The following FBXO39 variants were observed in gnomAD, a reference collection of about 807,000 sequenced individuals.
FBXO39 encodes the protein F-box protein 39.
A neutral mutation model predicts 36.6 loss-of-function variants in FBXO39; 22 were observed. The observed-to-expected ratio is 0.60, with a 90% confidence interval of 0.43 to 0.86. The LOEUF is 0.86. Ranked by LOEUF, FBXO39 falls within the 40% of genes least tolerant of loss-of-function variation. The pLI is 0.00. For missense variants in FBXO39, 536 were observed against 543.9 expected (o/e 0.99, Z 0.14); for synonymous variants, 206 against 205.8 (o/e 1.00, Z -0.01).
chr17:6,779,538 C>A (rs904626860), intron 1 of FBXO39, among the ~76,000 whole-genome samples: 1 of 152,206 alleles, frequency 6.6e-6, no homozygotes, highest in Non-Finnish European at 1.5e-5. Flanking sequence ...AGTCACCCTG[C>A]ATGTGTGCTA....
intron 2 of FBXO39, among the ~76,000 whole-genome samples, chr17:6,781,450 C>CA (rs1429447374): frequency 7.2e-5 from 11 of 152,280 alleles, no homozygotes; most frequent in Admixed American, 2.6e-4. Context: ...AGATCAGGAT[C>CA]ATTTTGTCTT....
At position 6,779,850 on chromosome 17, in the gene FBXO39, T is replaced by C. The variant is rs1213392778; in HGVS notation, c.-19T>C. 8 of 1,611,650 alleles carry C rather than the reference T, an allele frequency of 5.0e-6. No homozygotes were observed. The highest frequency in any genetic ancestry group is 2.2e-5 in the East Asian group (1 of 44,870). On this transcript the variant is annotated 5_prime_UTR_variant, in exon 2 of 4. Coordinates refer to ENST00000321535, the MANE Select transcript of FBXO39 (RefSeq NM_153230.3). ...AGCCCTGCCTAACACACAGCTGCACTGTACATCCCAGTTCCTGGATGGACG... is the reference window on the plus strand; with the variant it reads ...AGCCCTGCCTAACACACAGCTGCACCGTACATCCCAGTTCCTGGATGGACG...
chr17:6,787,549 T>C lies in FBXO39; in HGVS notation c.*121T>C. 1 of 1,178,456 alleles carries C rather than the reference T, an allele frequency of 8.5e-7. No individual in the cohort carries two copies. The highest frequency in any genetic ancestry group is 1.2e-6 in the Non-Finnish European group (1 of 839,966). 73.0% of individuals were successfully genotyped at this position (1,178,456 alleles called of 1,614,324 possible). ...TCTCTCTCCCCTCCACTTTTTTTTT[T>C]TGTCAGCTCCATGACAACATGACCA... On this transcript the variant is annotated 3_prime_UTR_variant, in exon 4 of 4. Transcript: ENST00000321535.
rs762307915 is a variant in FBXO39, at chr17:6,787,003, A to C, written c.1200+47A>C. On this transcript the variant is annotated intron_variant, in intron 3 of 3. Transcript: ENST00000321535. Reference sequence around the variant, plus strand: ...TCCACGGCGTAGAGTGGGGGCATCCAGGAATGGTGCTTCTGCTCTGGAACG... The same window carrying C: ...TCCACGGCGTAGAGTGGGGGCATCCCGGAATGGTGCTTCTGCTCTGGAACG... 5.1e-6 allele frequency: 8 copies of C among 1,564,838 alleles called. No individual in the cohort carries two copies. The South Asian group carries it at 8.4e-5, about 16-fold the overall frequency.
rs780924976 is a variant in FBXO39, at chr17:6,779,992, G to C, written c.124G>C (p.Val42Leu). The C allele has an allele frequency of 6.2e-6, 10 of 1,614,202 alleles. No individual in the cohort carries two copies. The highest frequency in any genetic ancestry group is 8.5e-6 in the Non-Finnish European group (10 of 1,180,034). ...CAGGGACAGGTCCAGGGCTGCTCTT[G>C]TCTGCAGAAAGTGGAACCAGATGAT... ...GDRDRSRAALVCRKWNQMMYS... is the reference protein window; with the variant it reads ...GDRDRSRAALLCRKWNQMMYS... Residue 42 changes from valine (V) to leucine (L), a missense_variant, in exon 2 of 4, where the codon GTC (valine) becomes CTC (leucine). Coordinates refer to ENST00000321535, the MANE Select transcript of FBXO39 (RefSeq NM_153230.3).
rs1164326442 is a variant in FBXO39, at chr17:6,779,744, ATC to A, written c.-80-41_-80-40del. 9 of 1,050,810 alleles carry A rather than the reference ATC, an allele frequency of 8.6e-6. No individual in the cohort carries two copies. The East Asian group carries it at 2.2e-4, about 25-fold the overall frequency. The allele number at this position is 1,050,810 out of a possible 1,614,324, so 65.1% of individuals were successfully genotyped here. ...GGGAAAGCTGGTTCATTTGAGTTTA[ATC>A]TCTGTTTGACAGGTAATGGCTCTTC... On this transcript the variant is annotated intron_variant, in intron 1 of 3. Transcript: ENST00000321535.
At chr17:6,785,882 A>T (rs921964372) in intron 2 of FBXO39, among the ~76,000 whole-genome samples, 1 of 152,198 alleles carries the variant, frequency 6.6e-6, no homozygotes, top group Non-Finnish European at 1.5e-5. Flanking sequence ...AGAGAAAAGG[A>T]AATTCTCATA....
chr17:6,783,442 A>G (rs1407643750), intron 2 of FBXO39, among the ~76,000 whole-genome samples: 2 of 152,078 alleles, frequency 1.3e-5, no homozygotes, highest in Non-Finnish European at 2.9e-5. Flanking sequence ...AAAGTGAAAC[A>G]AATAATGCAA....
At chr17:6,786,351 G>A (rs1976569814) in intron 2 of FBXO39, among the ~76,000 whole-genome samples, 3 of 152,168 alleles carry the variant, frequency 2.0e-5, no homozygotes. Flanking sequence ...AGGCTGGGAA[G>A]GGTAGTAGGG....
chr17:6,786,374 A>G (rs1014356611), intron 2 of FBXO39, among the ~76,000 whole-genome samples: 2 of 152,182 alleles, frequency 1.3e-5, no homozygotes, highest in Non-Finnish European at 2.9e-5. Context: ...TGCAGAGGGA[A>G]GTGGGGATGG....
chr17:6,784,929 A>ATATATATATATATGTGTGTG (rs1491434533), intron 2 of FBXO39, among the ~76,000 whole-genome samples: 29 of 136,248 alleles, frequency 2.1e-4, no homozygotes, highest in African/African-American at 8.3e-4. Context: ...ATATATATAT[A>ATATATATATATATGTGTGTG]TGTGTGTGTG....
chr17:6,783,484 T>A (rs1195118689), intron 2 of FBXO39, among the ~76,000 whole-genome samples: 6 of 149,656 alleles, frequency 4.0e-5, no homozygotes, highest in African/African-American at 1.5e-4. Context: ...TTTTGAAAAA[T>A]AAACAAAATT....
At chr17:6,778,061 C>G (rs1020588097) in intron 1 of FBXO39, among the ~76,000 whole-genome samples, 4 of 152,098 alleles carry the variant, frequency 2.6e-5, no homozygotes, top group Admixed American at 2.6e-4. Context: ...TTGGTGGGAG[C>G]TGGAGGAGAC....
At chr17:6,777,866 T>C (rs1464622207) in intron 1 of FBXO39, among the ~76,000 whole-genome samples, 1 of 152,212 alleles carries the variant, frequency 6.6e-6, no homozygotes, top group Non-Finnish European at 1.5e-5. Context: ...CGGGACGGGC[T>C]GCTGTTCAGT....
At chr17:6,781,559 C>A (rs151236265) in intron 2 of FBXO39, among the ~76,000 whole-genome samples, 55 of 152,246 alleles carry the variant, frequency 3.6e-4, no homozygotes, top group African/African-American at 1.3e-3. Context: ...TCATTAGGTA[C>A]CCACATAAAC....
At chr17:6,778,427 A>G (rs906750) in intron 1 of FBXO39, among the ~76,000 whole-genome samples, 1 of 152,212 alleles carries the variant, frequency 6.6e-6, no homozygotes, top group East Asian at 1.9e-4. Context: ...AGGAAAAAAA[A>G]GTACAGAAGA....
chr17:6,784,953 G>GTGTGTATATATATATATATATA (rs1302291142), intron 2 of FBXO39, among the ~76,000 whole-genome samples: 2 of 113,828 alleles, frequency 1.8e-5, no homozygotes, highest in African/African-American at 7.3e-5. Flanking sequence ...GTGTGTGTGT[G>GTGTGTATATATATATATATATA]TATATATATA....
Position 6,787,253 on chromosome 17 carries a change from T to TGTGTGTGTGTGTGTGC in FBXO39, c.1201-46_1201-45insTGTGTGTGTGTGTGCG, listed in dbSNP as rs138181464. 4.3e-4 allele frequency: 669 copies of TGTGTGTGTGTGTGTGC among 1,551,886 alleles called. 6 individuals carry two copies. In the African/African-American group the frequency reaches 6.2e-3, roughly 14 times the overall value. ...GTGTGTGTGTATGTGTGTGTGTGTG[T>TGTGTGTGTGTGTGTGC]GCGTGTGTGCGTGCTCATATGTGGA... is the stretch of plus-strand genomic sequence containing the variant. On this transcript the variant is annotated intron_variant, in intron 3 of 3. Transcript: ENST00000321535.
chr17:6,782,336 A>G (rs1597775768), intron 2 of FBXO39, among the ~76,000 whole-genome samples: 1 of 152,170 alleles, frequency 6.6e-6, no homozygotes, highest in Non-Finnish European at 1.5e-5. Flanking sequence ...CACCTTCCCT[A>G]AAAGGAACAC....
Sources: allele counts gnomAD v4.1 joint callset (sites outside exome capture counted in the v4.1 genomes callset), GRCh38; gene constraint gnomAD v4.1.1; transcripts MANE v1.5; gene names NCBI Gene and HGNC (gene_info 2026-07-23, HGNC 2026-07-21).